The following TRIO variants were observed in gnomAD, a reference collection of about 807,000 sequenced individuals.
TRIO encodes the protein triple functional domain protein.
Under a neutral mutation model 351.9 loss-of-function variants are expected in TRIO, and 58 were observed. That is an observed-to-expected ratio of 0.16 (90% CI 0.13 to 0.21). TRIO has a LOEUF of 0.21. TRIO is among the 10% of genes least tolerant of loss of function. The pLI, the probability that TRIO is intolerant of heterozygous loss-of-function variation, is 1.00. For missense variants in TRIO, 3,201 were observed against 4,027.8 expected, an observed-to-expected ratio of 0.79 and a Z score of 5.56; for synonymous variants, 1,758 against 1,595.7, an observed-to-expected ratio of 1.10 and a Z score of -2.42.
At chr5:14,474,474 C>CT (rs910597426) in intron 40 of TRIO, among the ~76,000 whole-genome samples, 2 of 151,954 alleles carry the variant, frequency 1.3e-5, no homozygotes, top group African/African-American at 4.8e-5. Context: ...TGAAGAGTGA[C>CT]TGAGTTAATA....
intron 1 of TRIO, among the ~76,000 whole-genome samples, chr5:14,264,378 T>C (rs1259781081): frequency 6.6e-6 from 1 of 152,226 alleles, no homozygotes; most frequent in Non-Finnish European, 1.5e-5. Flanking sequence ...GTCCAACAGT[T>C]ATAACCATAA....
At position 14,487,996 on chromosome 5, in the gene TRIO, G is replaced by A. The variant is rs778141701; in HGVS notation, c.7368G>A (p.Pro2456=). The part of the protein sequence containing the change: ...LGKPRAGAAS[P]LNSPLSSAVP... ...AGCCCCGGGCCGGGGCCGCTTCGCC[G>A]CTGAACTCGCCGCTCTCCAGCGCGG... The change falls in exon 48 of 57, where the codon CCG becomes CCA. Residue 2456 remains proline, a synonymous_variant. Coordinates refer to ENST00000344204, the MANE Select transcript of TRIO (RefSeq NM_007118.4). 2.2e-5 allele frequency: 35 copies of A among 1,567,254 alleles called. No homozygotes were observed. Among genetic ancestry groups the A allele is most frequent in the Non-Finnish European group, 3.0e-5 (35 of 1,157,452 alleles).
chr5:14,173,958 A>G (rs975162391), intron 1 of TRIO, among the ~76,000 whole-genome samples: 4 of 152,312 alleles, frequency 2.6e-5, no homozygotes, highest in South Asian at 2.1e-4. Flanking sequence ...TGCTGCCCAA[A>G]TGGCCAGCAG....
rs779442534 is a variant in TRIO at position 14,498,144 on chromosome 5, C to G, written c.8103C>G (p.Thr2701=). The stretch of plus-strand genomic sequence containing the variant: ...AGGTCACGTGTGAGACAGGGGAGAC[C>G]GTTGTTCTTAGATGTCGAGTCTGTG... ...LSEVTCETGE[T]VVLRCRVCGR... is the part of the protein sequence containing the mutation. The change falls in exon 52 of 57, where the codon ACC becomes ACG. Residue 2701 remains threonine (T), a synonymous_variant. Coordinates refer to ENST00000344204, the MANE Select transcript of TRIO (RefSeq NM_007118.4). 14 of 1,614,026 alleles carry G rather than the reference C, an allele frequency of 8.7e-6. No individual in the cohort carries two copies. The Admixed American group carries it at 2.3e-4, about 27-fold the overall frequency.
chr5:14,381,339 G>C (rs1468339372), intron 21 of TRIO, 87 bp downstream of exon 21: 1 of 1,471,712 alleles, frequency 6.8e-7, no homozygotes, highest in Admixed American at 2.5e-5. Context: ...CATGAGATTG[G>C]AGAAAAGGAT....
intron 34 of TRIO, among the ~76,000 whole-genome samples, chr5:14,459,220 C>T (rs1474860413): frequency 6.6e-6 from 1 of 152,216 alleles, no homozygotes; most frequent in Admixed American, 6.5e-5. Context: ...GCGTCGGAAG[C>T]ACTTGGTGGG....
intron 55 of TRIO, among the ~76,000 whole-genome samples, chr5:14,506,091 G>A (rs546997803): frequency 3.9e-5 from 6 of 152,292 alleles, no homozygotes; most frequent in East Asian, 3.9e-4. Flanking sequence ...CTCAGGACCC[G>A]GGAGGTCTCC....
intron 39 of TRIO, 127 bp downstream of exon 39, chr5:14,472,785 C>T (rs1754783206): frequency 3.0e-6 from 3 of 1,008,096 alleles, no homozygotes; most frequent in African/African-American, 3.3e-5. Flanking sequence ...TAAAAAGTGA[C>T]CAACGATGTA....
chr5:14,206,019 C>T (rs929131981), intron 1 of TRIO, among the ~76,000 whole-genome samples: 1 of 152,160 alleles, frequency 6.6e-6, no homozygotes, highest in Admixed American at 6.5e-5. Flanking sequence ...CAGGTATGAG[C>T]CACTGTGCCC....
At chr5:14,455,391 AG>A (rs1484837850) in intron 34 of TRIO, among the ~76,000 whole-genome samples, 1 of 150,696 alleles carries the variant, frequency 6.6e-6, no homozygotes, top group Non-Finnish European at 1.5e-5. Context: ...TAGACGTAAA[AG>A]TTCTCCAAGT....
At chr5:14,470,566 A>C (rs1236419939) in intron 37 of TRIO, among the ~76,000 whole-genome samples, 2 of 152,250 alleles carry the variant, frequency 1.3e-5, no homozygotes, top group Non-Finnish European at 2.9e-5. Context: ...CAAGGAGAGA[A>C]GTCACCAATA....
intron 11 of TRIO, among the ~76,000 whole-genome samples, chr5:14,337,190 G>A (rs1265299591): frequency 6.6e-6 from 1 of 152,168 alleles, no homozygotes. Flanking sequence ...TAATATTAAA[G>A]CTAATGTCAT....
chr5:14,335,747 C>T (rs990988069), intron 10 of TRIO, among the ~76,000 whole-genome samples: 1 of 152,164 alleles, frequency 6.6e-6, no homozygotes, highest in Admixed American at 6.5e-5. Flanking sequence ...AGAGGATTAT[C>T]TGAGCCCAGG....
chr5:14,289,081 T>A (rs1050880303), intron 4 of TRIO, among the ~76,000 whole-genome samples: 12 of 151,688 alleles, frequency 7.9e-5, no homozygotes, highest in Admixed American at 5.3e-4. Context: ...GTCTCTATAT[T>A]TTGTTTTAAA....
At chr5:14,482,228 T>C (rs1052805491) in intron 45 of TRIO, among the ~76,000 whole-genome samples, 2 of 152,182 alleles carry the variant, frequency 1.3e-5, no homozygotes, top group African/African-American at 4.8e-5. Flanking sequence ...CAGAGGCCGT[T>C]GGAGGGCTTC....
intron 11 of TRIO, among the ~76,000 whole-genome samples, chr5:14,340,001 A>G (rs1439033930): frequency 6.6e-6 from 1 of 152,264 alleles, no homozygotes; most frequent in African/African-American, 2.4e-5. Flanking sequence ...GTATTTGCAT[A>G]TCAGATGAAC....
chr5:14,366,751 A>T, intron 15 of TRIO, 109 bp from the exon 16 acceptor site: 1 of 1,508,818 alleles, frequency 6.6e-7, no homozygotes, highest in South Asian at 1.3e-5. Flanking sequence ...AGTGCCTCGT[A>T]CCTGCCAGGA....
intron 33 of TRIO, among the ~76,000 whole-genome samples, chr5:14,416,880 A>G (rs1473196583): frequency 1.3e-5 from 2 of 152,154 alleles, no homozygotes; most frequent in Non-Finnish European, 2.9e-5. Flanking sequence ...CTGCTAGAAG[A>G]ATGTCAGGGA....
intron 34 of TRIO, among the ~76,000 whole-genome samples, chr5:14,453,067 C>CT (rs777743822): frequency 6.6e-6 from 1 of 151,702 alleles, no homozygotes; most frequent in Admixed American, 6.6e-5. Flanking sequence ...CTTTCTTTAC[C>CT]TTTTTTTTCT....
Sources: allele counts gnomAD v4.1 joint callset (sites outside exome capture counted in the v4.1 genomes callset), GRCh38; gene constraint gnomAD v4.1.1; transcripts MANE v1.5; gene names NCBI Gene and HGNC (gene_info 2026-07-23, HGNC 2026-07-21).